QRFPR: variants seen among roughly 807,000 people sequenced by gnomAD.
The protein encoded by QRFPR is pyroglutamylated RF-amide peptide receptor.
QRFPR carries 37 observed loss-of-function variants against 31.3 expected under a neutral mutation model. The ratio of observed to expected loss-of-function variants is 1.18; its 90% CI spans 0.91 to 1.56. The LOEUF is 1.56. Among genes scored for constraint, QRFPR ranks in the 40% most tolerant of loss-of-function variants. The probability of loss-of-function intolerance (pLI) is 0.00; values close to 1 mark genes in which losing one functional copy is unlikely to be tolerated. For synonymous variants in QRFPR, 197 were observed against 192.0 expected, an observed-to-expected ratio of 1.03 and a Z score of -0.22; for missense variants, 542 against 532.5, an observed-to-expected ratio of 1.02 and a Z score of -0.18.
At chr4:121,331,606 C>T (rs1474180778) in intron 4 of QRFPR, among the ~76,000 whole-genome samples, 3 of 147,780 alleles carry the variant, frequency 2.0e-5, no homozygotes, top group East Asian at 4.0e-4. Context: ...TTTATAAAAA[C>T]TCATACTCAT....
intron 1 of QRFPR, among the ~76,000 whole-genome samples, chr4:121,359,810 T>C (rs967384787): frequency 6.6e-6 from 1 of 151,670 alleles, no homozygotes; most frequent in African/African-American, 2.4e-5. Flanking sequence ...TGTGTATGTG[T>C]GTGTGTGTAT....
At chr4:121,333,589 GC>G (rs1319374293) in intron 3 of QRFPR, among the ~76,000 whole-genome samples, 5 of 152,242 alleles carry the variant, frequency 3.3e-5, no homozygotes, top group South Asian at 4.1e-4. Context: ...GAGGCAACTG[GC>G]AGCTTTTATC....
At chr4:121,330,034 G>A (rs1725291730) in intron 5 of QRFPR, among the ~76,000 whole-genome samples, 1 of 150,722 alleles carries the variant, frequency 6.6e-6, no homozygotes, top group Non-Finnish European at 1.5e-5. Context: ...TTGCCTTAGA[G>A]AAACAAAATC....
intron 3 of QRFPR, among the ~76,000 whole-genome samples, chr4:121,335,813 C>G (rs879880188): frequency 1.3e-5 from 2 of 152,152 alleles, no homozygotes; most frequent in South Asian, 4.2e-4. Flanking sequence ...TGAAAGTAAC[C>G]AGAGAAATTT....
chr4:121,360,190 T>C (rs1178380222), intron 1 of QRFPR, among the ~76,000 whole-genome samples: 1 of 152,190 alleles, frequency 6.6e-6, no homozygotes, highest in Non-Finnish European at 1.5e-5. Context: ...ATATATAAGA[T>C]GATAGTGATT....
chr4:121,362,525 T>C lies in QRFPR; in HGVS notation c.340+17783A>G, dbSNP rs144001861. Among the ~76,000 whole-genome samples, 129 of 149,790 alleles carry C rather than the reference T, an allele frequency of 8.6e-4. 11 individuals carry two copies. The highest frequency in any genetic ancestry group is 2.6e-3 in the African/African-American group (107 of 40,556). On this transcript the variant is annotated intron_variant, in intron 1 of 5. Coordinates refer to ENST00000394427, the MANE Select transcript of QRFPR (RefSeq NM_198179.3). ...AAGACCAGGAATAACTAACACAAAA[T>C]TGAAAAAGAAAAATAAAGTTGGAAG...
At chr4:121,333,101 C>T (rs1725364430) in intron 3 of QRFPR, 45 bp from the exon 4 acceptor site, 1 of 1,334,002 alleles carries the variant, frequency 7.5e-7, no homozygotes, top group Admixed American at 2.0e-5. Flanking sequence ...TAGTCAGCAT[C>T]AAAAAACAGA....
chr4:121,341,358 G>A (rs11098613), intron 1 of QRFPR, among the ~76,000 whole-genome samples: 116,681 of 152,082 alleles, frequency 0.77, 46,773 homozygotes, highest in East Asian at 0.99. Flanking sequence ...GCTACAAGAG[G>A]ATCATAAACT....
rs920166352 is a variant in QRFPR, at chr4:121,359,222, A to G, written c.341-18612T>C. ...ATAGAACTCTATTCTCTACCTATAC[A>G]TATGTTTAGGTTTGGAAGACAGCTG... is the stretch of plus-strand genomic sequence containing the variant. On this transcript the variant is annotated intron_variant, in intron 1 of 5. Coordinates refer to ENST00000394427, the MANE Select transcript of QRFPR (RefSeq NM_198179.3). Among the ~76,000 whole-genome samples the G allele has an allele frequency of 3.9e-5, 6 of 152,224 alleles. No individual in the cohort carries two copies. In the South Asian group the frequency reaches 1.0e-3, roughly 26 times the overall value.
At chr4:121,376,781 A>G (rs1430539273) in intron 1 of QRFPR, among the ~76,000 whole-genome samples, 1 of 152,128 alleles carries the variant, frequency 6.6e-6, no homozygotes, top group African/African-American at 2.4e-5. Flanking sequence ...CCTTCAGGAG[A>G]TTCTCTGTGT....
chr4:121,357,224 G>A (rs888350712), intron 1 of QRFPR, among the ~76,000 whole-genome samples: 1 of 152,052 alleles, frequency 6.6e-6, no homozygotes, highest in Admixed American at 6.6e-5. Flanking sequence ...CTAGTTTCTA[G>A]AGGTTGTCTG....
In QRFPR at chr4:121,369,348, C is replaced by T. The variant is rs112119586; in HGVS notation, c.340+10960G>A. On this transcript the variant is annotated intron_variant, in intron 1 of 5. Transcript: ENST00000394427. ...CCAGCTGATTAAGTTTTTAAATATACCTTTCCTATGTCAAAGCCAAGATAA... is the reference window on the plus strand; with the variant it reads ...CCAGCTGATTAAGTTTTTAAATATATCTTTCCTATGTCAAAGCCAAGATAA... 552 of 640,026 alleles carry T rather than the reference C, an allele frequency of 8.6e-4. 5 individuals are homozygous for T. The African/African-American group carries it at 9.3e-3, about 11-fold the overall frequency. The allele number at this position is 640,026 out of a possible 1,614,324, so 39.6% of individuals were successfully genotyped here. A position where few individuals can be genotyped will look rare whatever the true frequency, so the allele number is the denominator to read the frequency against.
chr4:121,376,985 G>C (rs1174803698), intron 1 of QRFPR, among the ~76,000 whole-genome samples: 2 of 152,186 alleles, frequency 1.3e-5, no homozygotes, highest in Non-Finnish European at 2.9e-5. Flanking sequence ...GGAATGGACT[G>C]AAAGAAGAAT....
rs1173956983 is a variant in QRFPR at position 121,329,228 on chromosome 4, TAA to T, written c.*84_*85del. On this transcript the variant is annotated 3_prime_UTR_variant, in exon 6 of 6. Transcript: ENST00000394427. Reference sequence around the variant, plus strand: ...TTTCTTCTTGTCATCATCTTAAGAATAAAAAGAGTATTTGACCTTTGCTCAAA... The same window carrying T: ...TTTCTTCTTGTCATCATCTTAAGAATAAAGAGTATTTGACCTTTGCTCAAA... 1.1e-5 allele frequency: 11 copies of T among 1,040,986 alleles called. No homozygotes were observed. The highest frequency in any genetic ancestry group is 4.8e-5 in the African/African-American group (3 of 62,300). The allele number at this position is 1,040,986 out of a possible 1,614,324, so 64.5% of individuals were successfully genotyped here. A position where few individuals can be genotyped will look rare whatever the true frequency, so the allele number is the denominator to read the frequency against.
At chr4:121,355,501 A>G (rs1274198819) in intron 1 of QRFPR, among the ~76,000 whole-genome samples, 1 of 152,030 alleles carries the variant, frequency 6.6e-6, no homozygotes, top group East Asian at 1.9e-4. Flanking sequence ...TATCTGTTCA[A>G]GAAAACAACT....
In QRFPR at chr4:121,348,990, G is replaced by A. The variant is rs556545887; in HGVS notation, c.341-8380C>T. Among the ~76,000 whole-genome samples the A allele has an allele frequency of 9.9e-5, 15 of 152,134 alleles. No individual in the cohort carries two copies. The East Asian group carries it at 1.7e-3, about 18-fold the overall frequency. ...CAGGGGACTGTAGTCCCAGCTACTC[G>A]GGAGGCTGAGGCAGGAGAATGGCGT... On this transcript the variant is annotated intron_variant, in intron 1 of 5. Coordinates refer to ENST00000394427, the MANE Select transcript of QRFPR (RefSeq NM_198179.3).
intron 1 of QRFPR, among the ~76,000 whole-genome samples, chr4:121,360,073 T>C (rs1225983802): frequency 6.6e-6 from 1 of 152,142 alleles, no homozygotes. Context: ...CAGTCCAAAA[T>C]TAAAATTTAT....
In QRFPR at chr4:121,380,317, A is replaced by C. The variant is rs1560749362; in HGVS notation, c.331T>G (p.Trp111Gly). Residue 111 changes from tryptophan (W) to glycine (G), a missense_variant, in exon 1 of 6, where the codon TGG becomes GGG. Transcript: ENST00000394427. ...VTMLQNISDN[W>G]LGGAFICKMV... ...GGGGCGCGACTCTTACCCCCCAGCC[A>C]GTTGTCGGAAATGTTCTGGAGCATG... 6.2e-7 allele frequency: 1 copy of C among 1,612,200 alleles called. No homozygotes were observed. Among genetic ancestry groups the C allele is most frequent in the Admixed American group, 1.7e-5 (1 of 59,898 alleles).
In QRFPR at chr4:121,328,859, C is replaced by G. The variant is rs184359090; in HGVS notation, c.*455G>C. ...CAAGCTCCGCCTCCCGGGTTCACAC[C>G]ATTCTCCCGCCTGAGGCTCCCAAGT... On this transcript the variant is annotated 3_prime_UTR_variant, in exon 6 of 6. Coordinates refer to ENST00000394427, the MANE Select transcript of QRFPR (RefSeq NM_198179.3). 4.9e-4 allele frequency among the ~76,000 whole-genome samples: 74 copies of G among 152,262 alleles called. No homozygotes were observed. Among genetic ancestry groups the G allele is most frequent in the African/African-American group, 1.8e-3 (73 of 41,538 alleles).
Sources: allele counts gnomAD v4.1 joint callset (sites outside exome capture counted in the v4.1 genomes callset), GRCh38; gene constraint gnomAD v4.1.1; transcripts MANE v1.5; gene names NCBI Gene and HGNC (gene_info 2026-07-23, HGNC 2026-07-21).